Variants in PDE4D observed in about 807,000 individuals in gnomAD.
PDE4D encodes 3',5'-cyclic-AMP phosphodiesterase 4D.
A neutral mutation model predicts 87.4 loss-of-function variants in PDE4D; 24 were observed. The observed-to-expected ratio is 0.27, with a 90% CI of 0.20 to 0.39. PDE4D has a LOEUF of 0.39. Among genes scored for constraint, PDE4D ranks in the 10% least tolerant of loss-of-function variants. PDE4D has a pLI of 1.00. For synonymous variants in PDE4D, 384 were observed against 383.2 expected, an observed-to-expected ratio of 1.00 and a Z score of -0.02; for missense variants, 714 against 1,041.0, an observed-to-expected ratio of 0.69 and a Z score of 4.32.
intron 6 of PDE4D, among the ~76,000 whole-genome samples, chr5:59,015,673 G>A (rs1461775268): frequency 2.0e-5 from 3 of 152,204 alleles, no homozygotes; most frequent in Admixed American, 6.5e-5. Flanking sequence ...TACACTGTTG[G>A]TGGGACTGTA....
chr5:60,398,483 G>A (rs1763043740), intron 1 of PDE4D, among the ~76,000 whole-genome samples: 1 of 152,136 alleles, frequency 6.6e-6, no homozygotes, highest in African/African-American at 2.4e-5. Context: ...GCCCAGCTGA[G>A]AGGACTAATC....
chr5:60,204,743 G>C (rs953850934), intron 1 of PDE4D, among the ~76,000 whole-genome samples: 6 of 152,098 alleles, frequency 3.9e-5, no homozygotes, highest in African/African-American at 1.4e-4. Flanking sequence ...CTTGAAGGTG[G>C]GATAGCCTGG....
At chr5:59,550,064 C>T (rs576168083) in intron 1 of PDE4D, among the ~76,000 whole-genome samples, 2 of 151,782 alleles carry the variant, frequency 1.3e-5, no homozygotes, top group Admixed American at 6.6e-5. Context: ...TGAACCATAC[C>T]TGTTGTTGGT....
At chr5:59,435,024 G>A (rs986482740) in intron 1 of PDE4D, among the ~76,000 whole-genome samples, 1 of 152,108 alleles carries the variant, frequency 6.6e-6, no homozygotes, top group African/African-American at 2.4e-5. Context: ...GTCACATAGA[G>A]TGTTAAGTGG....
chr5:59,747,943 T>C (rs1759865451), intron 1 of PDE4D, among the ~76,000 whole-genome samples: 1 of 152,128 alleles, frequency 6.6e-6, no homozygotes. Context: ...ACAAACATAA[T>C]ACAATTGACA....
chr5:60,371,022 T>C (rs558424630), intron 1 of PDE4D, among the ~76,000 whole-genome samples: 4 of 152,348 alleles, frequency 2.6e-5, no homozygotes, highest in Admixed American at 2.6e-4. Context: ...CTCACAACTC[T>C]AGCAAAAGCT....
chr5:59,372,057 C>T (rs989179300), intron 1 of PDE4D, among the ~76,000 whole-genome samples: 3 of 152,126 alleles, frequency 2.0e-5, no homozygotes, highest in Non-Finnish European at 4.4e-5. Flanking sequence ...TTATTTTGTT[C>T]TAAATTATGC....
chr5:59,134,745 T>TTA (rs2153452523), intron 5 of PDE4D, among the ~76,000 whole-genome samples: 1 of 152,252 alleles, frequency 6.6e-6, no homozygotes, highest in African/African-American at 2.4e-5. Context: ...TCATTCCACA[T>TTA]TATATATATG....
intron 2 of PDE4D, among the ~76,000 whole-genome samples, chr5:59,201,363 T>A (rs1747325467): frequency 6.6e-6 from 1 of 152,122 alleles, no homozygotes; most frequent in African/African-American, 2.4e-5. Flanking sequence ...TTCTGTAAAA[T>A]GTGACTACCA....
intron 1 of PDE4D, among the ~76,000 whole-genome samples, chr5:59,783,836 G>A (rs903241530): frequency 2.0e-5 from 3 of 152,164 alleles, no homozygotes; most frequent in Admixed American, 2.0e-4. Flanking sequence ...GGAGGCCAAG[G>A]CAGGTGAATT....
intron 2 of PDE4D, among the ~76,000 whole-genome samples, chr5:60,168,912 C>T (rs191309245): frequency 2.6e-4 from 40 of 152,220 alleles, no homozygotes; most frequent in African/African-American, 9.1e-4. Context: ...CCTCATGCAA[C>T]ATAATGATTG....
chr5:59,022,697 T>C (rs1176423437), intron 6 of PDE4D, among the ~76,000 whole-genome samples: 1 of 152,110 alleles, frequency 6.6e-6, no homozygotes, highest in Non-Finnish European at 1.5e-5. Flanking sequence ...CACATGCTCC[T>C]CCTAGGAACT....
At chr5:59,868,467 A>T (rs1052002074) in intron 1 of PDE4D, among the ~76,000 whole-genome samples, 1 of 152,150 alleles carries the variant, frequency 6.6e-6, no homozygotes, top group Non-Finnish European at 1.5e-5. Flanking sequence ...TACAAATGAC[A>T]TGTTGGTGTT....
intron 1 of PDE4D, among the ~76,000 whole-genome samples, chr5:59,226,298 T>C (rs1753768843): frequency 2.6e-5 from 4 of 152,300 alleles, no homozygotes; most frequent in East Asian, 1.9e-4. Context: ...ATACATACAA[T>C]GGAATATTAT....
rs557355056 is a variant in PDE4D, at chr5:59,527,966, ACTC to A, written c.456-312001_456-311999del. On this transcript the variant is annotated intron_variant, in intron 1 of 14. Transcript: ENST00000340635. ...TCCTTCTGTTATATCTGAAACCTCA[ACTC>A]CTCAACTCCTTTTTTGTTAGTTGAC... Among the ~76,000 whole-genome samples, 949 of 152,130 alleles carry A rather than the reference ACTC, an allele frequency of 6.2e-3. 3 individuals carry two copies. Among genetic ancestry groups the A allele is most frequent in the Non-Finnish European group, 9.4e-3 (640 of 67,996 alleles).
rs1561201412 is a variant in PDE4D at position 58,973,674 on chromosome 5, T to C, written c.*990A>G. ...CATGAAGCTTAAGACACATTTGATA[T>C]AACACACATAAAAGTATTATAGAAC... On this transcript the variant is annotated 3_prime_UTR_variant, in exon 15 of 15. Transcript: ENST00000340635. 6.6e-6 allele frequency: 1 copy of C among 152,576 alleles called. No individual in the cohort carries two copies. The highest frequency in any genetic ancestry group is 2.4e-5 in the African/African-American group (1 of 41,438). The allele number at this position is 152,576 out of a possible 1,614,324, so 9.5% of individuals were successfully genotyped here.
At chr5:59,992,096 G>A (rs78782192) in intron 2 of PDE4D, among the ~76,000 whole-genome samples, 3,873 of 152,252 alleles carry the variant, frequency 0.025, 161 homozygotes, top group African/African-American at 0.089. Flanking sequence ...TGTGCTGGAT[G>A]TTTCCTGCTC....
chr5:59,422,112 T>G (rs1794574700), intron 1 of PDE4D, among the ~76,000 whole-genome samples: 1 of 152,210 alleles, frequency 6.6e-6, no homozygotes, highest in Non-Finnish European at 1.5e-5. Flanking sequence ...TCTGAGCGTT[T>G]GGAGAATATT....
intron 1 of PDE4D, among the ~76,000 whole-genome samples, chr5:60,343,513 T>G (rs1030063850): frequency 1.3e-5 from 2 of 152,184 alleles, no homozygotes; most frequent in African/African-American, 4.8e-5. Flanking sequence ...CCAGGCACTG[T>G]TCTAAATGCT....
Sources: allele counts gnomAD v4.1 joint callset (sites outside exome capture counted in the v4.1 genomes callset), GRCh38; gene constraint gnomAD v4.1.1; transcripts MANE v1.5; gene names NCBI Gene and HGNC (gene_info 2026-07-23, HGNC 2026-07-21).